KCNIP4: variants seen among roughly 807,000 people sequenced by gnomAD.
KCNIP4 encodes the protein potassium voltage-gated channel interacting protein 4.
Under a neutral mutation model 34.0 loss-of-function variants are expected in KCNIP4, and 12 were observed. The observed-to-expected ratio is 0.35, with a 90% CI of 0.23 to 0.57. KCNIP4 has a LOEUF of 0.57. Ranked by LOEUF, KCNIP4 falls within the 20% of genes least tolerant of loss-of-function variation. The pLI is 0.83. For missense variants in KCNIP4, 238 were observed against 311.7 expected (o/e 0.76, Z 1.78); for synonymous variants, 124 against 102.2 (o/e 1.21, Z -1.29).
intron 1 of KCNIP4, among the ~76,000 whole-genome samples, chr4:21,348,162 T>C (rs1451485133): frequency 1.3e-5 from 2 of 152,178 alleles, no homozygotes; most frequent in Admixed American, 1.3e-4. Context: ...TTGACTGGTA[T>C]ATCGATTTTT....
intron 1 of KCNIP4, among the ~76,000 whole-genome samples, chr4:21,318,738 A>G (rs905567668): frequency 6.6e-6 from 1 of 152,140 alleles, no homozygotes; most frequent in African/African-American, 2.4e-5. Context: ...CATTTGTTAA[A>G]GAGCCTGAGC....
intron 1 of KCNIP4, among the ~76,000 whole-genome samples, chr4:21,395,002 T>C (rs1722868198): frequency 6.6e-6 from 1 of 152,136 alleles, no homozygotes; most frequent in East Asian, 1.9e-4. Context: ...TATTTAATAA[T>C]TAAATAACAT....
chr4:21,543,291 G>A (rs1192303750), intron 1 of KCNIP4, among the ~76,000 whole-genome samples: 1 of 152,032 alleles, frequency 6.6e-6, no homozygotes, highest in Non-Finnish European at 1.5e-5. Flanking sequence ...TTTTATTTTA[G>A]AATGTTACTC....
intron 1 of KCNIP4, among the ~76,000 whole-genome samples, chr4:21,088,407 G>C (rs115182639): frequency 6.6e-6 from 1 of 151,948 alleles, no homozygotes; most frequent in Non-Finnish European, 1.5e-5. Flanking sequence ...ACTGTCTCTT[G>C]TACAGGGATC....
intron 1 of KCNIP4, among the ~76,000 whole-genome samples, chr4:21,809,553 A>G (rs1411561299): frequency 6.6e-6 from 1 of 152,160 alleles, no homozygotes; most frequent in East Asian, 1.9e-4. Flanking sequence ...TGTTCACCTA[A>G]AACATGTTTA....
chr4:21,195,933 TC>T (rs540231212), intron 1 of KCNIP4, among the ~76,000 whole-genome samples: 310 of 152,294 alleles, frequency 2.0e-3, no homozygotes, highest in Non-Finnish European at 3.7e-3. Flanking sequence ...TAAGCATCAT[TC>T]CTGCAAGGAA....
chr4:20,841,509 CTG>C (rs1166172632), intron 3 of KCNIP4, among the ~76,000 whole-genome samples: 1 of 152,144 alleles, frequency 6.6e-6, no homozygotes. Context: ...CTCAAGATAG[CTG>C]TGAGTCCTCC....
intron 4 of KCNIP4, among the ~76,000 whole-genome samples, chr4:20,754,440 C>T (rs2149350855): frequency 6.6e-6 from 1 of 152,212 alleles, no homozygotes; most frequent in South Asian, 2.1e-4. Context: ...AAGGATGACT[C>T]CGTGGAAGTG....
chr4:21,668,100 A>G (rs893146109), intron 1 of KCNIP4, among the ~76,000 whole-genome samples: 3 of 152,236 alleles, frequency 2.0e-5, no homozygotes, highest in Non-Finnish European at 4.4e-5. Context: ...ATGAAGCTGG[A>G]AGCCATTATC....
chr4:21,523,280 A>G (rs1316453368), intron 1 of KCNIP4, among the ~76,000 whole-genome samples: 1 of 152,092 alleles, frequency 6.6e-6, no homozygotes, highest in Non-Finnish European at 1.5e-5. Context: ...TTATGTGTCA[A>G]TGCCTCTGTG....
chr4:21,871,668 G>A (rs967416228), intron 1 of KCNIP4, among the ~76,000 whole-genome samples: 7 of 151,874 alleles, frequency 4.6e-5, no homozygotes, highest in African/African-American at 1.7e-4. Context: ...CTCAATATCT[G>A]ATCCAATTTC....
intron 1 of KCNIP4, among the ~76,000 whole-genome samples, chr4:21,710,438 C>T (rs961036685): frequency 2.0e-5 from 3 of 152,186 alleles, no homozygotes; most frequent in African/African-American, 7.2e-5. Flanking sequence ...GGAACAAATG[C>T]ATGACAACAG....
intron 1 of KCNIP4, among the ~76,000 whole-genome samples, chr4:20,959,373 G>T (rs1201523029): frequency 1.3e-5 from 2 of 152,190 alleles, no homozygotes; most frequent in Non-Finnish European, 2.9e-5. Context: ...CAGGTTTAAG[G>T]CTTGGCTCCA....
chr4:21,333,899 A>G (rs1450998942), intron 1 of KCNIP4, among the ~76,000 whole-genome samples: 1 of 152,130 alleles, frequency 6.6e-6, no homozygotes, highest in African/African-American at 2.4e-5. Flanking sequence ...CGGTGCAAAA[A>G]CTTCGGAAAT....
At chr4:21,268,227 T>C (rs1268092896) in intron 1 of KCNIP4, among the ~76,000 whole-genome samples, 2 of 145,730 alleles carry the variant, frequency 1.4e-5, no homozygotes, top group Non-Finnish European at 3.0e-5. Context: ...TTTCTTAAAC[T>C]AAGTGAATAA....
intron 2 of KCNIP4, among the ~76,000 whole-genome samples, chr4:20,862,743 A>G (rs1035701775): frequency 2.0e-5 from 3 of 152,178 alleles, no homozygotes; most frequent in African/African-American, 7.2e-5. Flanking sequence ...GGTAGACTGG[A>G]TAAAGAAAAC....
intron 1 of KCNIP4, among the ~76,000 whole-genome samples, chr4:21,755,555 T>C (rs1839525): frequency 0.75 from 113,514 of 152,046 alleles, 44,118 homozygotes; most frequent in African/African-American, 0.91. Flanking sequence ...GGAAGATGTA[T>C]TAAATGTGTT....
In KCNIP4 at chr4:20,984,084, G is replaced by A. The variant is rs951201168; in HGVS notation, c.62-101375C>T. ...CCCTGCAAAGCCGGCGGCCCCCCGG[G>A]GTGAGGACAGACCTGGGCTAAAGTC... is the stretch of plus-strand genomic sequence containing the variant. On this transcript the variant is annotated intron_variant, in intron 1 of 8. Transcript: ENST00000382152. 1.8e-5 allele frequency: 21 copies of A among 1,160,744 alleles called. No individual in the cohort carries two copies. In the African/African-American group the frequency reaches 2.7e-4, roughly 15 times the overall value. The allele number at this position is 1,160,744 out of a possible 1,614,324, so 71.9% of individuals were successfully genotyped here.
At position 21,276,484 on chromosome 4, in the gene KCNIP4, C is replaced by T. The variant is rs555007315; in HGVS notation, c.62-393775G>A. On this transcript the variant is annotated intron_variant, in intron 1 of 8. Coordinates refer to ENST00000382152, the MANE Select transcript of KCNIP4 (RefSeq NM_025221.6). The stretch of plus-strand genomic sequence containing the variant: ...CCTCCCAAAGTGCTGGGATCACAGG[C>T]GTGAGCCACCGCACCCAGTCTTTTC... 1.8e-3 allele frequency among the ~76,000 whole-genome samples: 274 copies of T among 151,582 alleles called. 10 individuals are homozygous for T. In the South Asian group the frequency reaches 0.055, roughly 31 times the overall value.
Sources: gnomAD v4.1 joint callset for allele counts (sites outside exome capture counted in the v4.1 genomes callset) on GRCh38, gnomAD v4.1.1 for gene constraint, MANE v1.5 for transcripts, NCBI Gene and HGNC (gene_info 2026-07-23, HGNC 2026-07-21) for gene names.